Variants in ANKS1B observed in about 807,000 individuals in gnomAD.
ANKS1B encodes ankyrin repeat and sterile alpha motif domain-containing protein 1B.
A neutral mutation model predicts 148.3 loss-of-function variants in ANKS1B; 36 were observed. The observed-to-expected ratio is 0.24, with a 90% CI of 0.19 to 0.32. The LOEUF is 0.32. ANKS1B is among the 10% of genes least tolerant of loss of function. ANKS1B has a pLI of 1.00. For missense variants in ANKS1B, 1,157 were observed against 1,542.6 expected (o/e 0.75, Z 4.19); for synonymous variants, 542 against 560.8 (o/e 0.97, Z 0.47).
At chr12:99,769,037 A>G (rs2062951596) in intron 8 of ANKS1B, among the ~76,000 whole-genome samples, 1 of 151,600 alleles carries the variant, frequency 6.6e-6, no homozygotes, top group African/African-American at 2.4e-5. Flanking sequence ...AAGCCACCCA[A>G]TCTACGCTAA....
chr12:98,751,427 T>C lies in ANKS1B; in HGVS notation c.3675A>G (p.Thr1225=), dbSNP rs377650383. ...GTTTGTTTTCAAAGCTTTCTGGAAG[T>C]GTGGAGGAGTGTCCCCCTTTTCTTG... The part of the protein sequence containing the change: ...LQARKGGHSS[T]LPESFENKPS... The change falls in exon 26 of 27, where the codon ACA becomes ACG. Residue 1225 remains threonine, a synonymous_variant. Coordinates refer to ENST00000683438, the MANE Select transcript of ANKS1B (RefSeq NM_001352186.2). The surrounding 1 kb of genome is among the most constrained non-coding windows in gnomAD (Gnocchi z 4.3). The C allele has an allele frequency of 1.2e-6, 2 of 1,613,866 alleles. No individual in the cohort carries two copies. Among genetic ancestry groups the C allele is most frequent in the African/African-American group, 2.7e-5 (2 of 74,926 alleles).
At chr12:99,003,212 A>G (rs1021607649) in intron 17 of ANKS1B, among the ~76,000 whole-genome samples, 2 of 152,204 alleles carry the variant, frequency 1.3e-5, no homozygotes, top group Non-Finnish European at 2.9e-5. Flanking sequence ...TTATGCCAAT[A>G]CCAAAGTGAT....
At chr12:99,964,122 C>A (rs2095454675) in intron 1 of ANKS1B, among the ~76,000 whole-genome samples, 1 of 152,194 alleles carries the variant, frequency 6.6e-6, no homozygotes, top group African/African-American at 2.4e-5. Flanking sequence ...CAACACTATA[C>A]ATGAAAAAAA....
chr12:98,985,551 T>C (rs2099922789), intron 17 of ANKS1B, among the ~76,000 whole-genome samples: 1 of 151,876 alleles, frequency 6.6e-6, no homozygotes, highest in African/African-American at 2.4e-5. Context: ...TAGTGGTTGC[T>C]CTAGGGTTTA....
intron 12 of ANKS1B, among the ~76,000 whole-genome samples, chr12:99,304,006 C>A (rs1175128516): frequency 6.6e-6 from 1 of 152,046 alleles, no homozygotes; most frequent in Non-Finnish European, 1.5e-5. Flanking sequence ...TCTTTATCCA[C>A]TCATTGGCTG....
At chr12:99,183,645 A>G (rs554220218) in intron 14 of ANKS1B, among the ~76,000 whole-genome samples, 6 of 152,318 alleles carry the variant, frequency 3.9e-5, no homozygotes, top group African/African-American at 1.4e-4. Flanking sequence ...CTCCATCTCC[A>G]AAAACAACAA....
At position 99,126,795 on chromosome 12, in the gene ANKS1B, G is replaced by A. The variant is rs544864895; in HGVS notation, c.2526+27494C>T. On this transcript the variant is annotated intron_variant, in intron 15 of 26. Transcript: ENST00000683438. ...TGATTTCCTTATTTCTAAAAACAAA[G>A]AAGTTACTCTACATGATCTCTATAT... 9.1e-4 allele frequency among the ~76,000 whole-genome samples: 138 copies of A among 152,230 alleles called. 1 individual carries two copies. Among genetic ancestry groups the A allele is most frequent in the African/African-American group, 3.0e-3 (126 of 41,542 alleles).
chr12:99,004,113 A>T lies in ANKS1B; in HGVS notation c.2778+49044T>A, dbSNP rs531884197. On this transcript the variant is annotated intron_variant, in intron 17 of 26. Coordinates refer to ENST00000683438, the MANE Select transcript of ANKS1B (RefSeq NM_001352186.2). ...GTCCGCCATTCTGTGCTTCTGAGGGAAAGAGTCAGTCAATTCTCAGAGGGA... is the reference window on the plus strand; with the variant it reads ...GTCCGCCATTCTGTGCTTCTGAGGGTAAGAGTCAGTCAATTCTCAGAGGGA... Among the ~76,000 whole-genome samples the T allele has an allele frequency of 2.6e-5, 4 of 152,180 alleles. 1 individual carries two copies. In the South Asian group the frequency reaches 8.3e-4, roughly 32 times the overall value.
intron 14 of ANKS1B, among the ~76,000 whole-genome samples, chr12:99,211,555 C>T (rs968937155): frequency 3.9e-5 from 6 of 152,198 alleles, no homozygotes; most frequent in African/African-American, 1.4e-4. Flanking sequence ...ATTACCTCAT[C>T]CTAGCATTGC....
chr12:99,849,028 C>G (rs2087218223), intron 1 of ANKS1B, among the ~76,000 whole-genome samples: 1 of 151,892 alleles, frequency 6.6e-6, no homozygotes, highest in African/African-American at 2.4e-5. Context: ...ATAATAGATA[C>G]TGGGAAATAA....
rs2094786100 is a variant in ANKS1B at position 99,413,428 on chromosome 12, T to C, written c.1576-13617A>G. 2.0e-5 allele frequency among the ~76,000 whole-genome samples: 3 copies of C among 152,240 alleles called. No individual in the cohort carries two copies. In the South Asian group the frequency reaches 6.2e-4, roughly 32 times the overall value. ...TTTACAAGTAAAGCCAAGAGCCTAA[T>C]AACTCTTGAGTTTCTCATCTTTATA... On this transcript the variant is annotated intron_variant, in intron 11 of 26. Coordinates refer to ENST00000683438, the MANE Select transcript of ANKS1B (RefSeq NM_001352186.2).
chr12:99,089,451 C>T (rs1304741820), intron 15 of ANKS1B, among the ~76,000 whole-genome samples: 1 of 152,106 alleles, frequency 6.6e-6, no homozygotes, highest in African/African-American at 2.4e-5. Context: ...AATTTACTTG[C>T]CATATGTAGG....
rs747172917 is a variant in ANKS1B at position 98,745,811 on chromosome 12, T to A, written c.3786A>T (p.Leu1262=). The A allele has an allele frequency of 8.1e-6, 13 of 1,613,478 alleles. No homozygotes were observed. The East Asian group carries it at 2.9e-4, about 36-fold the overall frequency. ...DPSEQKTLAN[L]PWIVEPGQEA... is the part of the protein sequence containing the mutation. ...CTTGGCCCGGCTCCACAATCCACGG[T>A]AGATTGGCCAGAGTCTTTTGCTCAG... The change falls in exon 27 of 27, where the codon CTA becomes CTT. Residue 1262 remains leucine (L), a synonymous_variant. Coordinates refer to ENST00000683438, the MANE Select transcript of ANKS1B (RefSeq NM_001352186.2).
chr12:99,488,704 C>G (rs1433397664), intron 10 of ANKS1B, among the ~76,000 whole-genome samples: 1 of 152,166 alleles, frequency 6.6e-6, no homozygotes, highest in Non-Finnish European at 1.5e-5. Flanking sequence ...CACTGCTGGA[C>G]CAAGTCACGA....
chr12:99,003,099 C>T (rs1414285139), intron 17 of ANKS1B, among the ~76,000 whole-genome samples: 2 of 152,186 alleles, frequency 1.3e-5, no homozygotes, highest in Non-Finnish European at 2.9e-5. Context: ...CCATCTTTTG[C>T]CCATTGTATA....
chr12:99,968,655 G>A (rs965177987), intron 1 of ANKS1B, among the ~76,000 whole-genome samples: 4 of 152,294 alleles, frequency 2.6e-5, no homozygotes, highest in Non-Finnish European at 4.4e-5. Flanking sequence ...TAAATCCCAC[G>A]TACATGGTTT....
chr12:99,232,832 A>G (rs959562062), intron 14 of ANKS1B, among the ~76,000 whole-genome samples: 1 of 152,188 alleles, frequency 6.6e-6, no homozygotes, highest in Admixed American at 6.6e-5. Context: ...CACTCTAATG[A>G]GAAAGAGAAG....
At chr12:98,934,520 T>G (rs1470966878) in intron 17 of ANKS1B, among the ~76,000 whole-genome samples, 5 of 152,176 alleles carry the variant, frequency 3.3e-5, no homozygotes, top group Non-Finnish European at 7.4e-5. Context: ...ATTGGAACTT[T>G]GATAGGAATT....
intron 4 of ANKS1B, among the ~76,000 whole-genome samples, chr12:99,800,460 A>AC (rs1481353221): frequency 6.6e-6 from 1 of 151,486 alleles, no homozygotes; most frequent in African/African-American, 2.4e-5. Flanking sequence ...AAAAAAAAAA[A>AC]ACGGAGGAAA....
Sources: allele counts gnomAD v4.1 joint callset (sites outside exome capture counted in the v4.1 genomes callset), GRCh38; gene constraint gnomAD v4.1.1; non-coding constraint Gnocchi (gnomAD v3.1); transcripts MANE v1.5; gene names NCBI Gene and HGNC (gene_info 2026-07-23, HGNC 2026-07-21).